Variants in OR1J2 observed in about 807,000 individuals in gnomAD.
OR1J2 encodes olfactory receptor 1J2.
For synonymous variants in OR1J2, 142 were observed against 99.7 expected, an observed-to-expected ratio of 1.42 and a Z score of -2.52; for missense variants, 304 against 246.1, an observed-to-expected ratio of 1.24 and a Z score of -1.57.
the OR1J2 span, among the ~76,000 whole-genome samples, chr9:122,458,718 A>G: frequency 6.6e-6 from 1 of 152,354 alleles, no homozygotes; most frequent in African/African-American, 2.4e-5. Flanking sequence ...TATGGGAGCT[A>G]CAATTCAAAA....
chr9:122,463,450 G>A, the OR1J2 span, among the ~76,000 whole-genome samples: 2 of 152,128 alleles, frequency 1.3e-5, no homozygotes, highest in African/African-American at 4.8e-5. Flanking sequence ...ACCTTGGTTT[G>A]GATCCATTGC....
At chr9:122,565,568 C>T in the OR1J2 span, among the ~76,000 whole-genome samples, 1 of 152,174 alleles carries the variant, frequency 6.6e-6, no homozygotes, top group African/African-American at 2.4e-5. Context: ...ACGCTGAGCC[C>T]CCCAATGGCA....
At chr9:122,550,743 T>C in the OR1J2 span, among the ~76,000 whole-genome samples, 46 of 151,982 alleles carry the variant, frequency 3.0e-4, no homozygotes, top group East Asian at 8.1e-3. Flanking sequence ...CTAGAAGGAA[T>C]ATACCTAAAT....
At chr9:122,561,822 T>C in the OR1J2 span, among the ~76,000 whole-genome samples, 1 of 152,204 alleles carries the variant, frequency 6.6e-6, no homozygotes, top group Non-Finnish European at 1.5e-5. Context: ...TTGGTGGCAC[T>C]GGGAGCAGGA....
chr9:122,476,515 A>G, the OR1J2 span, among the ~76,000 whole-genome samples: 2 of 152,202 alleles, frequency 1.3e-5, no homozygotes, highest in Admixed American at 6.5e-5. Context: ...CTATTTTACT[A>G]TTCCCTCAAA....
chr9:122,477,159 A>G, the OR1J2 span: 1 of 1,614,204 alleles, frequency 6.2e-7, no homozygotes, highest in Non-Finnish European at 8.5e-7. Flanking sequence ...AATAGAGACC[A>G]ATAATTGTCC....
At chr9:122,499,092 C>T in the OR1J2 span, among the ~76,000 whole-genome samples, 2 of 152,262 alleles carry the variant, frequency 1.3e-5, no homozygotes, top group African/African-American at 4.8e-5. Context: ...TTGAGGAATG[C>T]ACAGTAGTCT....
chr9:122,578,777 A>G, the OR1J2 span, among the ~76,000 whole-genome samples: 1 of 152,112 alleles, frequency 6.6e-6, no homozygotes, highest in East Asian at 1.9e-4. Flanking sequence ...AGGCATAAGA[A>G]TGATACAATG....
chr9:122,561,071 CA>C, the OR1J2 span, among the ~76,000 whole-genome samples: 1 of 152,176 alleles, frequency 6.6e-6, no homozygotes, highest in Non-Finnish European at 1.5e-5. Flanking sequence ...CTTATTTCAG[CA>C]TGATGGTCTT....
the OR1J2 span, among the ~76,000 whole-genome samples, chr9:122,564,682 G>A: frequency 3.9e-5 from 6 of 152,214 alleles, no homozygotes; most frequent in Non-Finnish European, 5.9e-5. Flanking sequence ...TGTACCAGAT[G>A]TGGTTTCACT....
chr9:122,489,705 G>T, the OR1J2 span, among the ~76,000 whole-genome samples: 21 of 152,272 alleles, frequency 1.4e-4, 1 homozygote, highest in Admixed American at 1.2e-3. Context: ...CCTGTTCCCG[G>T]ACTTGGTGAC....
chr9:122,473,684 T>C, the OR1J2 span, among the ~76,000 whole-genome samples: 1 of 139,270 alleles, frequency 7.2e-6, no homozygotes, highest in Admixed American at 6.8e-5. Context: ...CTGAAACTGG[T>C]CACGGGACTG....
At chr9:122,448,673 G>A in the OR1J2 span, among the ~76,000 whole-genome samples, 1 of 152,102 alleles carries the variant, frequency 6.6e-6, no homozygotes, top group Non-Finnish European at 1.5e-5. Flanking sequence ...ATGGAGAATG[G>A]TGATGACTTT....
chr9:122,477,879 G>A, the OR1J2 span: 105 of 1,612,098 alleles, frequency 6.5e-5, 3 homozygotes, highest in African/African-American at 1.1e-3. Context: ...GGATGGGGAG[G>A]CCCAGGAGGA....
chr9:122,547,487 G>A, the OR1J2 span, among the ~76,000 whole-genome samples: 1 of 152,014 alleles, frequency 6.6e-6, no homozygotes, highest in African/African-American at 2.4e-5. Context: ...CCAGAATATG[G>A]TACATTGTAC....
chr9:122,456,694 A>G, the OR1J2 span, among the ~76,000 whole-genome samples: 1 of 152,190 alleles, frequency 6.6e-6, no homozygotes, highest in Non-Finnish European at 1.5e-5. Flanking sequence ...GCCAGTCAGA[A>G]TGGTGATTAT....
the OR1J2 span, among the ~76,000 whole-genome samples, chr9:122,501,525 T>C: frequency 1.3e-5 from 2 of 152,216 alleles, no homozygotes. Flanking sequence ...TGCTTATTCC[T>C]ACTATAAAAC....
chr9:122,576,385 C>A, the OR1J2 span, among the ~76,000 whole-genome samples: 1 of 126,804 alleles, frequency 7.9e-6, no homozygotes. Context: ...CCACGCCCAG[C>A]TAATTTTTTT....
At chr9:122,507,522 G>A (rs1022951468), upstream of OR1J2, among the ~76,000 whole-genome samples, 1 of 152,112 alleles carries the variant, frequency 6.6e-6, no homozygotes, top group Non-Finnish European at 1.5e-5. Flanking sequence ...ATGTGAGAAC[G>A]AGCCTCTCTC....
Sources: allele counts gnomAD v4.1 joint callset (sites outside exome capture counted in the v4.1 genomes callset), GRCh38; gene constraint gnomAD v4.1.1; transcripts MANE v1.5; gene names NCBI Gene and HGNC (gene_info 2026-07-23, HGNC 2026-07-21).